The following ZNF385B variants were observed in gnomAD, a reference collection of about 807,000 sequenced individuals.
ZNF385B encodes the protein zinc finger protein 533.
ZNF385B carries 23 observed loss-of-function variants against 39.2 expected under a neutral mutation model. The observed-to-expected ratio is 0.59, with a 90% CI of 0.42 to 0.83. The LOEUF is 0.83. Ranked by LOEUF, ZNF385B falls within the 40% of genes least tolerant of loss-of-function variation. The pLI, the probability that ZNF385B is intolerant of heterozygous loss-of-function variation, is 0.00. For missense variants in ZNF385B, 552 were observed against 598.9 expected, an observed-to-expected ratio of 0.92 and a Z score of 0.82; for synonymous variants, 205 against 222.6, an observed-to-expected ratio of 0.92 and a Z score of 0.70.
intron 5 of ZNF385B, among the ~76,000 whole-genome samples, chr2:179,500,477 C>A (rs145249336): frequency 1.3e-5 from 2 of 152,018 alleles, no homozygotes; most frequent in Non-Finnish European, 2.9e-5. Context: ...AACAAAGGTG[C>A]CAATAACATA....
intron 1 of ZNF385B, among the ~76,000 whole-genome samples, chr2:179,854,892 G>T (rs1163369359): frequency 6.6e-6 from 1 of 152,164 alleles, no homozygotes; most frequent in East Asian, 1.9e-4. Context: ...AGATTTAACT[G>T]CAAATATTGT....
intron 3 of ZNF385B, among the ~76,000 whole-genome samples, chr2:179,747,574 A>G (rs1702455115): frequency 6.6e-6 from 1 of 152,154 alleles, no homozygotes; most frequent in African/African-American, 2.4e-5. Context: ...AAATAGTCAT[A>G]GGAATAGTTC....
chr2:179,649,524 C>A (rs770781465), intron 3 of ZNF385B, among the ~76,000 whole-genome samples: 1 of 151,866 alleles, frequency 6.6e-6, no homozygotes, highest in Non-Finnish European at 1.5e-5. Context: ...ATTTTGAGAT[C>A]GTTTCAAAAT....
chr2:179,677,209 G>A (rs1048461624), intron 3 of ZNF385B, among the ~76,000 whole-genome samples: 3 of 152,154 alleles, frequency 2.0e-5, no homozygotes, highest in African/African-American at 7.2e-5. Context: ...CAGTCAGCAG[G>A]ATCTAAATTT....
At chr2:179,525,882 A>T (rs2058853265) in intron 4 of ZNF385B, among the ~76,000 whole-genome samples, 1 of 152,326 alleles carries the variant, frequency 6.6e-6, no homozygotes, top group Admixed American at 6.5e-5. Flanking sequence ...GACTCTGACC[A>T]TATGCTTTTA....
At chr2:179,785,915 T>C (rs552221718) in intron 1 of ZNF385B, among the ~76,000 whole-genome samples, 3 of 152,288 alleles carry the variant, frequency 2.0e-5, no homozygotes, top group East Asian at 1.9e-4. Context: ...TGTGGATAAA[T>C]TGTTATCAAA....
Position 179,674,843 on chromosome 2 carries a change from GAAAGCCTTATAACCCCC to G in ZNF385B, c.298+94643_298+94659del, listed in dbSNP as rs1332864239. ...GAGGGACAGGGCTCACAGGTAGGGA[GAAAGCCTTATAACCCCC>G]AAATCCCCAAATACTAACTCCTCAC... On this transcript the variant is annotated intron_variant, in intron 3 of 9. Transcript: ENST00000410066. Among the ~76,000 whole-genome samples, 12 of 152,276 alleles carry G rather than the reference GAAAGCCTTATAACCCCC, an allele frequency of 7.9e-5. No individual in the cohort carries two copies. In the East Asian group the frequency reaches 1.7e-3, roughly 22 times the overall value.
At chr2:179,761,321 G>A (rs1416441187) in intron 3 of ZNF385B, among the ~76,000 whole-genome samples, 8 of 152,134 alleles carry the variant, frequency 5.3e-5, no homozygotes, top group Non-Finnish European at 1.5e-5. Context: ...GAAAATTATA[G>A]ATCAGTTTAA....
intron 3 of ZNF385B, among the ~76,000 whole-genome samples, chr2:179,559,882 C>T (rs769305528): frequency 1.3e-5 from 2 of 152,084 alleles, no homozygotes; most frequent in Non-Finnish European, 2.9e-5. Flanking sequence ...TACATAATTA[C>T]AACTTTCTAC....
intron 3 of ZNF385B, among the ~76,000 whole-genome samples, chr2:179,721,825 T>C (rs1304969178): frequency 1.3e-5 from 2 of 152,024 alleles, no homozygotes; most frequent in African/African-American, 4.8e-5. Flanking sequence ...CTTTGACCAT[T>C]TCCATTTAAG....
intron 3 of ZNF385B, among the ~76,000 whole-genome samples, chr2:179,640,689 C>G (rs1026882963): frequency 2.0e-5 from 3 of 152,092 alleles, no homozygotes; most frequent in Non-Finnish European, 4.4e-5. Context: ...AAGACAACTG[C>G]TGCTTTGAAA....
chr2:179,776,133 T>C (rs900064718), intron 1 of ZNF385B, among the ~76,000 whole-genome samples: 4 of 152,192 alleles, frequency 2.6e-5, no homozygotes, highest in Admixed American at 2.0e-4. Context: ...AACCCAACTT[T>C]GGAGAAAGCA....
chr2:179,631,634 G>A (rs1023570097), intron 3 of ZNF385B, among the ~76,000 whole-genome samples: 3 of 151,998 alleles, frequency 2.0e-5, no homozygotes, highest in Non-Finnish European at 2.9e-5. Flanking sequence ...AATAAACGGT[G>A]AACATCATAA....
chr2:179,827,791 C>T (rs113019428), intron 1 of ZNF385B, among the ~76,000 whole-genome samples: 5 of 152,216 alleles, frequency 3.3e-5, no homozygotes, highest in African/African-American at 1.2e-4. Flanking sequence ...ATTGTCACGA[C>T]GTGAACGTGT....
intron 6 of ZNF385B, among the ~76,000 whole-genome samples, chr2:179,479,659 G>C (rs758948497): frequency 1.3e-5 from 2 of 151,984 alleles, no homozygotes; most frequent in Non-Finnish European, 2.9e-5. Flanking sequence ...GGCCAAGATG[G>C]TGAAACCCCA....
At chr2:179,525,635 A>G (rs2058837032) in intron 4 of ZNF385B, among the ~76,000 whole-genome samples, 1 of 152,176 alleles carries the variant, frequency 6.6e-6, no homozygotes, top group Admixed American at 6.5e-5. Context: ...CCATCATCAC[A>G]TGAGGCAGAC....
chr2:179,731,464 C>T (rs1432710180), intron 3 of ZNF385B, among the ~76,000 whole-genome samples: 1 of 152,186 alleles, frequency 6.6e-6, no homozygotes, highest in Non-Finnish European at 1.5e-5. Context: ...ATTTGTGGTG[C>T]TTCTTTCAAA....
rs1310433680 is a variant in ZNF385B at position 179,793,285 on chromosome 2, T to C, written c.-154-22613A>G. The stretch of plus-strand genomic sequence containing the variant: ...AAACTTGCAAGAGAAAAGAAATGGA[T>C]GCATTTGTTCAGTGAGCACTACCAC... On this transcript the variant is annotated intron_variant, in intron 1 of 9. Transcript: ENST00000410066. Among the ~76,000 whole-genome samples, 10 of 152,312 alleles carry C rather than the reference T, an allele frequency of 6.6e-5. No homozygotes were observed. The East Asian group carries it at 1.9e-3, about 29-fold the overall frequency.
At chr2:179,563,123 T>G (rs1206163595) in intron 3 of ZNF385B, among the ~76,000 whole-genome samples, 1 of 152,190 alleles carries the variant, frequency 6.6e-6, no homozygotes, top group Non-Finnish European at 1.5e-5. Flanking sequence ...GCATCTCAAC[T>G]CAAAAACCTA....
Sources: allele counts gnomAD v4.1 joint callset (sites outside exome capture counted in the v4.1 genomes callset), GRCh38; gene constraint gnomAD v4.1.1; transcripts MANE v1.5; gene names NCBI Gene and HGNC (gene_info 2026-07-23, HGNC 2026-07-21).